Variants in KMT2C observed in about 807,000 individuals in gnomAD.
The protein encoded by KMT2C is histone-lysine N-methyltransferase 2C.
Under a neutral mutation model 507.9 loss-of-function variants are expected in KMT2C, and 88 were observed. That is an observed-to-expected ratio of 0.17 (90% CI 0.15 to 0.21). The LOEUF (loss-of-function observed/expected upper bound fraction) is 0.21, where lower values mean the gene tolerates loss of function less well. Among genes scored for constraint, KMT2C ranks in the 10% least tolerant of loss-of-function variants. The probability of loss-of-function intolerance (pLI) is 1.00; values close to 1 mark genes in which losing one functional copy is unlikely to be tolerated. For missense variants in KMT2C, 4,954 were observed against 5,957.8 expected (o/e 0.83, Z 5.55); for synonymous variants, 2,049 against 2,080.8 (o/e 0.98, Z 0.42).
At chr7:152,261,338 A>G (rs1240421480) in intron 9 of KMT2C, among the ~76,000 whole-genome samples, 1 of 152,184 alleles carries the variant, frequency 6.6e-6, no homozygotes, top group African/African-American at 2.4e-5. Flanking sequence ...GCCACAAGGT[A>G]TTTGTTTAAA....
At chr7:152,427,505 C>A (rs1388974354) in intron 1 of KMT2C, among the ~76,000 whole-genome samples, 1 of 152,206 alleles carries the variant, frequency 6.6e-6, no homozygotes, top group Admixed American at 6.5e-5. Flanking sequence ...GCCCACAGAT[C>A]TATCTCTATG....
intron 23 of KMT2C, among the ~76,000 whole-genome samples, chr7:152,209,343 G>C (rs1205072968): frequency 6.6e-6 from 1 of 151,250 alleles, no homozygotes; most frequent in Non-Finnish European, 1.5e-5. Context: ...TGTAGTCCCA[G>C]CTACGTGGGA....
chr7:152,364,318 A>G (rs1057045563), intron 1 of KMT2C, among the ~76,000 whole-genome samples: 6 of 152,342 alleles, frequency 3.9e-5, no homozygotes, highest in African/African-American at 1.4e-4. Flanking sequence ...CATCAAATGT[A>G]AATTTCAGGC....
At chr7:152,427,965 C>T (rs534472875) in intron 1 of KMT2C, among the ~76,000 whole-genome samples, 1 of 152,266 alleles carries the variant, frequency 6.6e-6, no homozygotes, top group South Asian at 2.1e-4. Context: ...CACACTACAA[C>T]TATTGTAACA....
intron 1 of KMT2C, among the ~76,000 whole-genome samples, chr7:152,414,694 C>A (rs1564173937): frequency 6.6e-6 from 1 of 151,824 alleles, no homozygotes; most frequent in East Asian, 1.9e-4. Flanking sequence ...AGAGGTTTCA[C>A]CATGTTGGTC....
chr7:152,235,096 T>C lies in KMT2C; in HGVS notation c.2769+721A>G, dbSNP rs1374850079. ...AACTCTAGAAAATGCAAACTAATCT[T>C]GGGGACAAGGACGGATGGCAGGGGG... On this transcript the variant is annotated intron_variant, in intron 16 of 58. Transcript: ENST00000262189. Among the ~76,000 whole-genome samples the C allele has an allele frequency of 2.0e-5, 3 of 151,920 alleles. No individual in the cohort carries two copies. In the East Asian group the frequency reaches 5.8e-4, roughly 29 times the overall value.
chr7:152,426,983 G>C (rs1564217620), intron 1 of KMT2C, among the ~76,000 whole-genome samples: 1 of 151,968 alleles, frequency 6.6e-6, no homozygotes, highest in Non-Finnish European at 1.5e-5. Flanking sequence ...AATGTATACT[G>C]AAAGAATATA....
intron 1 of KMT2C, among the ~76,000 whole-genome samples, chr7:152,372,517 T>C (rs2097300190): frequency 6.6e-6 from 1 of 152,158 alleles, no homozygotes. Flanking sequence ...TCTTTAGCTT[T>C]AAAGGACTGA....
chr7:152,375,247 G>A (rs539110611), intron 1 of KMT2C, among the ~76,000 whole-genome samples: 61 of 152,102 alleles, frequency 4.0e-4, no homozygotes, highest in African/African-American at 1.4e-3. Context: ...TCACCATGCT[G>A]GCCAGGCTGG....
At chr7:152,234,995 G>C (rs528929521) in intron 16 of KMT2C, among the ~76,000 whole-genome samples, 128 of 152,254 alleles carry the variant, frequency 8.4e-4, no homozygotes, top group Non-Finnish European at 1.4e-3. Flanking sequence ...CAACAGCACA[G>C]ATGAATCTCC....
intron 6 of KMT2C, among the ~76,000 whole-genome samples, chr7:152,292,986 G>T (rs1486564085): frequency 6.6e-6 from 1 of 152,012 alleles, no homozygotes; most frequent in African/African-American, 2.4e-5. Flanking sequence ...TTTTCTAATT[G>T]TTCTCAGTGG....
intron 37 of KMT2C, among the ~76,000 whole-genome samples, chr7:152,178,721 G>C (rs1461269511): frequency 6.6e-6 from 1 of 151,842 alleles, no homozygotes; most frequent in Non-Finnish European, 1.5e-5. Flanking sequence ...TGCAGAAAGA[G>C]GCATAAATTA....
chr7:152,171,415 T>G, intron 39 of KMT2C, 73 bp from the exon 40 acceptor site: 1 of 964,792 alleles, frequency 1.0e-6, no homozygotes, highest in East Asian at 2.7e-5. Context: ...AAAACTGTAT[T>G]AGGTGCTTAA....
chr7:152,321,456 C>T (rs2096772527), intron 3 of KMT2C, among the ~76,000 whole-genome samples: 1 of 151,520 alleles, frequency 6.6e-6, no homozygotes, highest in Admixed American at 6.6e-5. Flanking sequence ...TAAGGGATCC[C>T]AGTAGGAAAG....
intron 42 of KMT2C, among the ~76,000 whole-genome samples, chr7:152,166,101 G>C (rs1021690713): frequency 6.6e-6 from 1 of 151,734 alleles, no homozygotes; most frequent in African/African-American, 2.4e-5. Flanking sequence ...GCTTCCTACA[G>C]TGTTCATTAT....
At chr7:152,179,761 C>G (rs1587980627) in intron 37 of KMT2C, 73 bp downstream of exon 37, 2 of 1,393,300 alleles carry the variant, frequency 1.4e-6, no homozygotes, top group Non-Finnish European at 2.0e-6. Context: ...ATTACAGGCA[C>G]AAGCCACCAC....
intron 6 of KMT2C, among the ~76,000 whole-genome samples, chr7:152,293,607 G>A (rs1376848845): frequency 1.3e-5 from 2 of 151,820 alleles, no homozygotes; most frequent in Non-Finnish European, 2.9e-5. Context: ...ACATTCAAGG[G>A]GTCCTTTACA....
At position 152,162,177 on chromosome 7, in the gene KMT2C, T is replaced by C; in HGVS notation, c.11400A>G (p.Ser3800=). Residue 3800 remains serine (S), a synonymous_variant, in exon 43 of 59, where the codon TCA becomes TCG. Coordinates refer to ENST00000262189, the MANE Select transcript of KMT2C (RefSeq NM_170606.3). ...LNQKPEGSIC[S]EDDCTKDNKL... ...TATTATCCTTTGTACAGTCATCTTC[T>C]GAACAAATACTGCCCTCAGGTTTTT... 6.2e-7 allele frequency: 1 copy of C among 1,611,470 alleles called. No homozygotes were observed.
intron 23 of KMT2C, among the ~76,000 whole-genome samples, chr7:152,211,071 A>G (rs2094444864): frequency 6.6e-6 from 1 of 152,216 alleles, no homozygotes; most frequent in African/African-American, 2.4e-5. Flanking sequence ...AAAATCAAAA[A>G]TAGACAAAAA....
Sources: gnomAD v4.1 joint callset for allele counts (sites outside exome capture counted in the v4.1 genomes callset) on GRCh38, gnomAD v4.1.1 for gene constraint, MANE v1.5 for transcripts, NCBI Gene and HGNC (gene_info 2026-07-23, HGNC 2026-07-21) for gene names.